PALD1: variants seen among roughly 807,000 people sequenced by gnomAD.
The protein encoded by PALD1 is phosphatase domain containing paladin 1, also known as paladin.
Under a neutral mutation model 96.0 loss-of-function variants are expected in PALD1, and 57 were observed. The observed-to-expected ratio is 0.59, with a 90% CI of 0.48 to 0.74. The LOEUF is 0.74. Among genes scored for constraint, PALD1 ranks in the 30% least tolerant of loss-of-function variants. PALD1 has a pLI of 0.00. For synonymous variants in PALD1, 464 were observed against 473.6 expected (o/e 0.98, Z 0.26); for missense variants, 1,063 against 1,143.7 (o/e 0.93, Z 1.02).
chr10:70,503,591 G>C (rs1405219528), intron 1 of PALD1, among the ~76,000 whole-genome samples: 1 of 152,094 alleles, frequency 6.6e-6, no homozygotes, highest in Non-Finnish European at 1.5e-5. Context: ...CCTATATCAC[G>C]CCACTGCACT....
intron 18 of PALD1, among the ~76,000 whole-genome samples, chr10:70,562,163 G>GA (rs1010520720): frequency 1.6e-4 from 24 of 152,214 alleles, no homozygotes; most frequent in African/African-American, 5.5e-4. Flanking sequence ...ACCAGGACCT[G>GA]AACCCAGCTC....
At chr10:70,528,664 G>A (rs957465748) in intron 2 of PALD1, among the ~76,000 whole-genome samples, 1 of 152,194 alleles carries the variant, frequency 6.6e-6, no homozygotes, top group African/African-American at 2.4e-5. Flanking sequence ...CTAGGCCGCT[G>A]TCATAAAGTA....
intron 1 of PALD1, among the ~76,000 whole-genome samples, chr10:70,507,750 C>CGTGTGTGTGTGTGTGTGT (rs10579511): frequency 3.4e-5 from 5 of 148,644 alleles, no homozygotes; most frequent in African/African-American, 1.0e-4. Flanking sequence ...TTTGTGTGTG[C>CGTGTGTGTGTGTGTGTGT]GTGTGTGTGT....
In PALD1 at chr10:70,539,366, G is replaced by A. The variant is rs1234677966; in HGVS notation, c.1725+119G>A. ...GATGGAGAATCTGAGGCCCCGGGAGGAGCAGTGTCAGGGAGTGGCCAACTC... is the reference window on the plus strand; with the variant it reads ...GATGGAGAATCTGAGGCCCCGGGAGAAGCAGTGTCAGGGAGTGGCCAACTC... On this transcript the variant is annotated intron_variant, in intron 14 of 19. Transcript: ENST00000263563. The surrounding 1 kb of genome is among the most constrained non-coding windows in gnomAD (Gnocchi z 4.5). 30 of 1,185,794 alleles carry A rather than the reference G, an allele frequency of 2.5e-5. No individual in the cohort carries two copies. Among genetic ancestry groups the A allele is most frequent in the African/African-American group, 7.6e-5 (5 of 65,366 alleles). 73.5% of individuals were successfully genotyped at this position (1,185,794 alleles called of 1,614,324 possible).
Position 70,564,330 on chromosome 10 carries a change from C to G in PALD1, c.2263-34C>G, listed in dbSNP as rs747042184. On this transcript the variant is annotated intron_variant, in intron 18 of 19. Coordinates refer to ENST00000263563, the MANE Select transcript of PALD1 (RefSeq NM_014431.3). ...TTTGTGTGTTGGGGGACACGGATCC[C>G]CCCACACTGACCCCACCCTGTCCTG... 1.4e-5 allele frequency: 22 copies of G among 1,595,762 alleles called. No individual in the cohort carries two copies. The South Asian group carries it at 2.3e-4, about 16-fold the overall frequency.
At chr10:70,497,951 T>G (rs1846224500) in intron 1 of PALD1, among the ~76,000 whole-genome samples, 1 of 152,222 alleles carries the variant, frequency 6.6e-6, no homozygotes, top group African/African-American at 2.4e-5. Flanking sequence ...TTTACCATTT[T>G]GGGCGTTTAA....
At chr10:70,555,859 C>T (rs10999393) in intron 18 of PALD1, among the ~76,000 whole-genome samples, 80,317 of 151,582 alleles carry the variant, frequency 0.53, 22,134 homozygotes, top group Middle Eastern at 0.7. Flanking sequence ...AAATTAGCCG[C>T]GCGAGGTGGC....
chr10:70,542,471 CTTTCTGT>C (rs1847271484), intron 17 of PALD1, among the ~76,000 whole-genome samples: 1 of 152,180 alleles, frequency 6.6e-6, no homozygotes, highest in South Asian at 2.1e-4. Context: ...CCCTGTTCTA[CTTTCTGT>C]CTCAATGGAT....
At position 70,566,638 on chromosome 10, in the gene PALD1, G is replaced by A. The variant is rs1363643139; in HGVS notation, c.2476G>A (p.Glu826Lys). The A allele has an allele frequency of 6.2e-7, 1 of 1,610,086 alleles. No homozygotes were observed. The highest frequency in any genetic ancestry group is 2.2e-5 in the East Asian group (1 of 44,830). ...TAACGAGCTGGGCTTCCCCGAGCTG[G>A]AGAGCGGGGAGGACCAGCCCTTCTC... ...ILNELGFPEL[E>K]SGEDQPFSRL... The change falls in exon 20 of 20, where the codon GAG becomes AAG. Residue 826 changes from glutamate to lysine, a missense_variant. Transcript: ENST00000263563.
intron 18 of PALD1, among the ~76,000 whole-genome samples, chr10:70,560,720 C>G (rs924182184): frequency 6.6e-6 from 1 of 151,906 alleles, no homozygotes; most frequent in Non-Finnish European, 1.5e-5. Context: ...TGGGCTGCCT[C>G]GATGCCAGCC....
intron 18 of PALD1, among the ~76,000 whole-genome samples, chr10:70,563,793 G>A (rs1421999549): frequency 6.6e-6 from 1 of 152,236 alleles, no homozygotes; most frequent in African/African-American, 2.4e-5. Flanking sequence ...ATTGAGGGGA[G>A]GAGATTGATG....
chr10:70,467,550 G>A, the PALD1 span, among the ~76,000 whole-genome samples: 2 of 152,198 alleles, frequency 1.3e-5, no homozygotes, highest in African/African-American at 2.4e-5. Context: ...AGCGGATGGC[G>A]TCTGAAGGAG....
In PALD1 at chr10:70,565,861, C is replaced by T. The variant is rs3740445; in HGVS notation, c.2419-720C>T. Among the ~76,000 whole-genome samples the T allele has an allele frequency of 4.5e-4, 69 of 152,070 alleles. No individual in the cohort carries two copies. The East Asian group carries it at 0.01, about 23-fold the overall frequency. Reference sequence around the variant, plus strand: ...AGCAGAAGTTGGGGGAGCCTGGGGCCGAGAGGAAGCTTGATCCCCTCCCCA... The same window carrying T: ...AGCAGAAGTTGGGGGAGCCTGGGGCTGAGAGGAAGCTTGATCCCCTCCCCA... On this transcript the variant is annotated intron_variant, in intron 19 of 19. Transcript: ENST00000263563.
chr10:70,523,637 AAGAG>A (rs1221288307), intron 1 of PALD1, among the ~76,000 whole-genome samples: 1 of 152,140 alleles, frequency 6.6e-6, no homozygotes, highest in Admixed American at 6.5e-5. Context: ...AAGAGAGAGA[AAGAG>A]AGGGAGAAAT....
At chr10:70,538,010 C>G in intron 11 of PALD1, 104 bp downstream of exon 11, 1 of 928,420 alleles carries the variant, frequency 1.1e-6, no homozygotes, top group Non-Finnish European at 1.7e-6. Context: ...CCCAAGGAAC[C>G]GGGGAGGGAA....
At chr10:70,496,801 C>T (rs1235841055) in intron 1 of PALD1, among the ~76,000 whole-genome samples, 1 of 152,222 alleles carries the variant, frequency 6.6e-6, no homozygotes, top group African/African-American at 2.4e-5. Context: ...GGGGTAGAAT[C>T]CTCCTTTCAC....
intron 18 of PALD1, among the ~76,000 whole-genome samples, chr10:70,561,179 CTT>C (rs1305826934): frequency 5.3e-5 from 8 of 152,262 alleles, no homozygotes; most frequent in Non-Finnish European, 1.2e-4. Flanking sequence ...ACCCGTGTCT[CTT>C]GCAACAGGCA....
In PALD1 at chr10:70,568,041, G is replaced by A. The variant is rs992539664; in HGVS notation, c.*1308G>A. On this transcript the variant is annotated 3_prime_UTR_variant, in exon 20 of 20. Coordinates refer to ENST00000263563, the MANE Select transcript of PALD1 (RefSeq NM_014431.3). Reference sequence around the variant, plus strand: ...GTCATTGGTCATGATATTTGAAAAGGGGAGGAGGCCGAAGTTGTTCCCATT... The same window carrying A: ...GTCATTGGTCATGATATTTGAAAAGAGGAGGAGGCCGAAGTTGTTCCCATT... The A allele has an allele frequency of 3.9e-5, 6 of 152,326 alleles. No individual in the cohort carries two copies. The highest frequency in any genetic ancestry group is 1.9e-4 in the East Asian group (1 of 5,192). 9.4% of individuals were successfully genotyped at this position (152,326 alleles called of 1,614,324 possible).
intron 18 of PALD1, among the ~76,000 whole-genome samples, chr10:70,562,658 G>T (rs1847764596): frequency 6.6e-6 from 1 of 152,352 alleles, no homozygotes; most frequent in South Asian, 2.1e-4. Flanking sequence ...TCTTCCTGGA[G>T]CAGGGAGAGC....
Sources: gnomAD v4.1 joint callset for allele counts (sites outside exome capture counted in the v4.1 genomes callset) on GRCh38, gnomAD v4.1.1 for gene constraint, Gnocchi (gnomAD v3.1) non-coding constraint, MANE v1.5 for transcripts, NCBI Gene and HGNC (gene_info 2026-07-23, HGNC 2026-07-21) for gene names.